The following ERI3 variants were observed in gnomAD, a reference collection of about 807,000 sequenced individuals.
The protein encoded by ERI3 is ERI1 exoribonuclease family member 3.
Under a neutral mutation model 44.4 loss-of-function variants are expected in ERI3, and 18 were observed. The ratio of observed to expected loss-of-function variants is 0.41; its 90% CI spans 0.28 to 0.60. The LOEUF is 0.60. Ranked by LOEUF, ERI3 falls within the 20% of genes least tolerant of loss-of-function variation. The pLI is 0.36. For synonymous variants in ERI3, 183 were observed against 164.8 expected (o/e 1.11, Z -0.84); for missense variants, 294 against 435.5 (o/e 0.68, Z 2.89).
intron 1 of ERI3, 168 bp from the exon 2 acceptor site, chr1:44,353,093 T>G: frequency 1.0e-6 from 1 of 985,432 alleles, no homozygotes; most frequent in Non-Finnish European, 1.2e-6. Context: ...GTACTACATT[T>G]GTAATGATTT....
chr1:44,321,858 C>T (rs752798458), intron 3 of ERI3, among the ~76,000 whole-genome samples: 1 of 152,202 alleles, frequency 6.6e-6, no homozygotes, highest in Non-Finnish European at 1.5e-5. Context: ...TGGAGACCTA[C>T]AGTTTGTCCT....
Position 44,319,751 on chromosome 1 carries a change from T to C in ERI3, c.490-7A>G, listed in dbSNP as rs546379676. 9.4e-6 allele frequency: 15 copies of C among 1,591,234 alleles called. No individual in the cohort carries two copies. Among genetic ancestry groups the C allele is most frequent in the African/African-American group, 9.4e-5 (7 of 74,438 alleles). On this transcript the variant is annotated splice_region_variant and splice_polypyrimidine_tract_variant and intron_variant, in intron 3 of 8. Transcript: ENST00000372257. ...TGGGGAACTCGATGATTTCCTGGAG[T>C]GCCAAAGATACAGAAAAGGAAAAAT...
chr1:44,245,883 C>T (rs189351574), intron 8 of ERI3, among the ~76,000 whole-genome samples: 3 of 152,278 alleles, frequency 2.0e-5, no homozygotes, highest in Admixed American at 2.0e-4. Flanking sequence ...TGGACCAATG[C>T]AAGTCTTCTC....
intron 3 of ERI3, among the ~76,000 whole-genome samples, chr1:44,330,658 C>T (rs1646409230): frequency 6.6e-6 from 1 of 152,164 alleles, no homozygotes; most frequent in Admixed American, 6.5e-5. Flanking sequence ...GTGGGGGTAG[C>T]TGGTGTCAAT....
chr1:44,334,068 CAA>C lies in ERI3; in HGVS notation c.489+4975_489+4976del, dbSNP rs1646483683. On this transcript the variant is annotated intron_variant, in intron 3 of 8. Coordinates refer to ENST00000372257, the MANE Select transcript of ERI3 (RefSeq NM_024066.3). ...CAGTAGGGCTGCTGCAGAGCAGAGA[CAA>C]AAAGACTATGCAGGAGCCTGACGGA... Among the ~76,000 whole-genome samples, 2 of 152,178 alleles carry C rather than the reference CAA, an allele frequency of 1.3e-5. 1 individual carries two copies. The highest frequency in any genetic ancestry group is 4.1e-4 in the South Asian group (2 of 4,834).
chr1:44,290,211 C>T (rs554845392), intron 6 of ERI3, among the ~76,000 whole-genome samples: 2 of 152,284 alleles, frequency 1.3e-5, no homozygotes, highest in East Asian at 3.9e-4. Context: ...ACATACTGTT[C>T]GCCTGCAGGA....
chr1:44,221,143 T>G lies in ERI3; in HGVS notation c.*415A>C. ...GGCACGTTCACAGCGGGGATGGGGGTAGACACAAGGTGGGGCCTGATCTGT... is the reference window on the plus strand; with the variant it reads ...GGCACGTTCACAGCGGGGATGGGGGGAGACACAAGGTGGGGCCTGATCTGT... On this transcript the variant is annotated 3_prime_UTR_variant, in exon 9 of 9. Transcript: ENST00000372257. The surrounding 1 kb of genome is among the most constrained non-coding windows in gnomAD (Gnocchi z 5.9). 3.7e-6 allele frequency: 1 copy of G among 270,762 alleles called. No individual in the cohort carries two copies. The highest frequency in any genetic ancestry group is 9.2e-5 in the East Asian group (1 of 10,850). 16.8% of individuals were successfully genotyped at this position (270,762 alleles called of 1,614,324 possible).
chr1:44,221,257 C>T lies in ERI3; in HGVS notation c.*301G>A. Reference sequence around the variant, plus strand: ...GGTGGCCCCACAGAAGCCTGTGTACCAGGGAGGAGGCGGTGAGTGCCTGGG... The same window carrying T: ...GGTGGCCCCACAGAAGCCTGTGTACTAGGGAGGAGGCGGTGAGTGCCTGGG... On this transcript the variant is annotated 3_prime_UTR_variant, in exon 9 of 9. Coordinates refer to ENST00000372257, the MANE Select transcript of ERI3 (RefSeq NM_024066.3). The surrounding 1 kb of genome is among the most constrained non-coding windows in gnomAD (Gnocchi z 5.9). The T allele has an allele frequency of 4.7e-6, 2 of 424,826 alleles. No homozygotes were observed. Among genetic ancestry groups the T allele is most frequent in the Non-Finnish European group, 8.6e-6 (2 of 232,322 alleles). The allele number at this position is 424,826 out of a possible 1,614,324, so 26.3% of individuals were successfully genotyped here. A position where few individuals can be genotyped will look rare whatever the true frequency, so the allele number is the denominator to read the frequency against.
At chr1:44,320,628 A>G (rs1646182060) in intron 3 of ERI3, among the ~76,000 whole-genome samples, 2 of 152,214 alleles carry the variant, frequency 1.3e-5, no homozygotes, top group African/African-American at 4.8e-5. Flanking sequence ...GAGAATAAAA[A>G]AAATTATTGC....
chr1:44,329,544 A>C (rs527270522), intron 3 of ERI3, among the ~76,000 whole-genome samples: 43 of 152,316 alleles, frequency 2.8e-4, no homozygotes, highest in African/African-American at 1.0e-3. Context: ...AACAACGCAG[A>C]CATGTCCCTG....
At chr1:44,294,852 T>C (rs1645578511) in intron 6 of ERI3, among the ~76,000 whole-genome samples, 2 of 152,256 alleles carry the variant, frequency 1.3e-5, no homozygotes, top group Admixed American at 6.5e-5. Context: ...CCCTGGCCTG[T>C]GGCCATCTTG....
chr1:44,240,371 C>T (rs1448539545), intron 8 of ERI3, among the ~76,000 whole-genome samples: 1 of 152,180 alleles, frequency 6.6e-6, no homozygotes, highest in Non-Finnish European at 1.5e-5. Context: ...AGGCTAGTAG[C>T]TGAATGAACT....
chr1:44,263,141 T>G (rs1448427273), intron 7 of ERI3, among the ~76,000 whole-genome samples: 2 of 152,138 alleles, frequency 1.3e-5, no homozygotes, highest in African/African-American at 4.8e-5. Flanking sequence ...TTCCCTCAGC[T>G]CCTACATCAG....
chr1:44,338,686 A>C lies in ERI3; in HGVS notation c.489+359T>G, dbSNP rs150871746. The stretch of plus-strand genomic sequence containing the variant: ...AGGGTGTGAATAGCAGGAGTTAAGA[A>C]TCATTGAGGTCATCTTGGAGGCCAG... On this transcript the variant is annotated intron_variant, in intron 3 of 8. Coordinates refer to ENST00000372257, the MANE Select transcript of ERI3 (RefSeq NM_024066.3). Among the ~76,000 whole-genome samples the C allele has an allele frequency of 4.1e-3, 624 of 152,360 alleles. 3 individuals carry two copies. The highest frequency in any genetic ancestry group is 0.014 in the African/African-American group (593 of 41,582).
At chr1:44,247,085 G>A (rs1644570081) in intron 8 of ERI3, among the ~76,000 whole-genome samples, 1 of 152,110 alleles carries the variant, frequency 6.6e-6, no homozygotes, top group Admixed American at 6.5e-5. Context: ...AGACACACCT[G>A]ACAGATACAC....
chr1:44,236,494 G>C (rs977931269), intron 8 of ERI3, among the ~76,000 whole-genome samples: 1 of 152,192 alleles, frequency 6.6e-6, no homozygotes, highest in African/African-American at 2.4e-5. Context: ...GTCAGGGAAA[G>C]CATTCCTGAG....
intron 7 of ERI3, among the ~76,000 whole-genome samples, chr1:44,280,423 C>A (rs188482842): frequency 6.6e-6 from 1 of 152,314 alleles, no homozygotes. Context: ...CATCTTTCAC[C>A]TGGACCACAG....
chr1:44,265,779 C>T (rs1165054475), intron 7 of ERI3, among the ~76,000 whole-genome samples: 1 of 151,556 alleles, frequency 6.6e-6, no homozygotes, highest in Non-Finnish European at 1.5e-5. Context: ...AAGCTAGTCA[C>T]AAAAAAAACC....
At chr1:44,345,766 A>G (rs774212199) in intron 2 of ERI3, among the ~76,000 whole-genome samples, 2 of 152,246 alleles carry the variant, frequency 1.3e-5, no homozygotes, top group Non-Finnish European at 1.5e-5. Context: ...GTGAAAAACA[A>G]ACTGTCAAAG....
Sources: gnomAD v4.1 joint callset for allele counts (sites outside exome capture counted in the v4.1 genomes callset) on GRCh38, gnomAD v4.1.1 for gene constraint, Gnocchi (gnomAD v3.1) non-coding constraint, MANE v1.5 for transcripts, NCBI Gene and HGNC (gene_info 2026-07-23, HGNC 2026-07-21) for gene names.